The following LRP1B variants were observed in gnomAD, a reference collection of about 807,000 sequenced individuals.
The protein encoded by LRP1B is LDL receptor related protein 1B.
LRP1B carries 217 observed loss-of-function variants against 556.6 expected under a neutral mutation model. That is an observed-to-expected ratio of 0.39 (90% CI 0.35 to 0.44). The LOEUF (loss-of-function observed/expected upper bound fraction) is 0.44. Among genes scored for constraint, LRP1B ranks in the 20% least tolerant of loss-of-function variants. The pLI is 1.00. For missense variants in LRP1B, 5,053 were observed against 5,620.8 expected, an observed-to-expected ratio of 0.90 and a Z score of 3.23; for synonymous variants, 2,047 against 1,865.8, an observed-to-expected ratio of 1.10 and a Z score of -2.50.
intron 67 of LRP1B, among the ~76,000 whole-genome samples, chr2:140,383,508 C>A (rs1683628323): frequency 6.6e-6 from 1 of 151,688 alleles, no homozygotes; most frequent in Non-Finnish European, 1.5e-5. Context: ...CTGGCATTGT[C>A]AATGTTGAAA....
intron 1 of LRP1B, among the ~76,000 whole-genome samples, chr2:141,812,881 C>CAAGTATATAG (rs1696403800): frequency 6.6e-6 from 1 of 150,612 alleles, no homozygotes; most frequent in African/African-American, 2.4e-5. Flanking sequence ...AATATGTCTT[C>CAAGTATATAG]AAGTATATAG....
At chr2:140,448,684 T>C (rs1012317358) in intron 63 of LRP1B, among the ~76,000 whole-genome samples, 1 of 152,084 alleles carries the variant, frequency 6.6e-6, no homozygotes, top group East Asian at 1.9e-4. Context: ...AGAGATCTAT[T>C]GTACATCTTG....
intron 15 of LRP1B, among the ~76,000 whole-genome samples, chr2:140,999,699 A>T (rs1368075726): frequency 6.6e-6 from 1 of 151,980 alleles, no homozygotes; most frequent in Non-Finnish European, 1.5e-5. Flanking sequence ...TAGAGTTCCT[A>T]TTAAGATATT....
intron 41 of LRP1B, among the ~76,000 whole-genome samples, chr2:140,626,468 A>T (rs1050416507): frequency 1.3e-5 from 2 of 152,186 alleles, no homozygotes; most frequent in African/African-American, 4.8e-5. Context: ...GAAGAAGGGC[A>T]TATGTGGGAA....
chr2:140,333,083 G>A (rs984855798), intron 79 of LRP1B, among the ~76,000 whole-genome samples: 9 of 151,842 alleles, frequency 5.9e-5, no homozygotes, highest in Non-Finnish European at 1.3e-4. Context: ...TTGTTTCTAT[G>A]CTTCTGGGCA....
At chr2:141,872,378 T>A (rs1477751111) in intron 1 of LRP1B, among the ~76,000 whole-genome samples, 2 of 151,842 alleles carry the variant, frequency 1.3e-5, no homozygotes, top group Non-Finnish European at 2.9e-5. Flanking sequence ...AAATCCAAAG[T>A]TCCCAAAGGA....
rs573011924 is a variant in LRP1B at position 142,107,489 on chromosome 2, G to A, written c.82+23159C>T. 3.3e-5 allele frequency among the ~76,000 whole-genome samples: 5 copies of A among 152,240 alleles called. No individual in the cohort carries two copies. The South Asian group carries it at 1.0e-3, about 32-fold the overall frequency. ...ACCAGATGCTGACACCTTAATATTG[G>A]ACATCCAAGCCTCCAGAAATTATCT... On this transcript the variant is annotated intron_variant, in intron 1 of 90. Coordinates refer to ENST00000389484, the MANE Select transcript of LRP1B (RefSeq NM_018557.3).
At chr2:140,344,059 T>A (rs1358035428) in intron 77 of LRP1B, among the ~76,000 whole-genome samples, 3 of 151,712 alleles carry the variant, frequency 2.0e-5, no homozygotes, top group Non-Finnish European at 2.9e-5. Context: ...CTGTGTATAT[T>A]TGAATATGTA....
Position 141,013,532 on chromosome 2 carries a change from G to A in LRP1B, c.2380+24C>T, listed in dbSNP as rs1191312375. Reference sequence around the variant, plus strand: ...GTATTATTATATGTGAATCTCAGAAGCATTTTAATTTGTTTTTTAATACCT... The same window carrying A: ...GTATTATTATATGTGAATCTCAGAAACATTTTAATTTGTTTTTTAATACCT... On this transcript the variant is annotated intron_variant, in intron 14 of 90. Coordinates refer to ENST00000389484, the MANE Select transcript of LRP1B (RefSeq NM_018557.3). The A allele has an allele frequency of 5.8e-6, 9 of 1,549,860 alleles. No individual in the cohort carries two copies. In the Admixed American group the frequency reaches 1.1e-4, roughly 20 times the overall value.
At chr2:140,392,570 C>T (rs1426465242) in intron 66 of LRP1B, among the ~76,000 whole-genome samples, 1 of 151,966 alleles carries the variant, frequency 6.6e-6, no homozygotes, top group Non-Finnish European at 1.5e-5. Flanking sequence ...CCACTGCAAC[C>T]TCTACCTCCT....
intron 3 of LRP1B, among the ~76,000 whole-genome samples, chr2:141,396,244 A>C (rs1690233432): frequency 6.6e-6 from 1 of 152,176 alleles, no homozygotes; most frequent in Non-Finnish European, 1.5e-5. Context: ...AGATTCACAA[A>C]ATTTATACAA....
intron 11 of LRP1B, among the ~76,000 whole-genome samples, chr2:141,043,869 C>A (rs917584882): frequency 1.3e-5 from 2 of 151,790 alleles, no homozygotes; most frequent in African/African-American, 4.8e-5. Context: ...GATTCAATGC[C>A]ATCCCCATCA....
chr2:140,370,481 C>A (rs1451513232), intron 71 of LRP1B, among the ~76,000 whole-genome samples: 1 of 152,016 alleles, frequency 6.6e-6, no homozygotes, highest in Non-Finnish European at 1.5e-5. Context: ...ACTCAGTAAA[C>A]ACTTGCCCTG....
At chr2:140,975,487 T>TGTGAGAGACAA (rs760930011) in intron 18 of LRP1B, among the ~76,000 whole-genome samples, 589 of 22,886 alleles carry the variant, frequency 0.026, 2 homozygotes, top group Non-Finnish European at 0.056. Flanking sequence ...GCTAAAGTTA[T>TGTGAGAGACAA]ATAAGCAGGA....
At chr2:140,492,835 G>C in intron 56 of LRP1B, 142 bp from the exon 57 acceptor site, 1 of 586,946 alleles carries the variant, frequency 1.7e-6, no homozygotes, top group Non-Finnish European at 3.0e-6. Flanking sequence ...GGATCATACT[G>C]AGCAACGTAG....
At chr2:141,683,133 T>A (rs567775015) in intron 2 of LRP1B, among the ~76,000 whole-genome samples, 1 of 152,222 alleles carries the variant, frequency 6.6e-6, no homozygotes, top group South Asian at 2.1e-4. Context: ...AACAGGAACC[T>A]AATACAGATT....
intron 1 of LRP1B, among the ~76,000 whole-genome samples, chr2:141,865,657 A>G (rs1232515101): frequency 6.6e-6 from 1 of 152,068 alleles, no homozygotes; most frequent in Non-Finnish European, 1.5e-5. Flanking sequence ...ACAAGAGGGT[A>G]GAAGAAAGTG....
intron 3 of LRP1B, among the ~76,000 whole-genome samples, chr2:141,327,888 G>GAC (rs1553496565): frequency 0.019 from 2,782 of 145,522 alleles, 87 homozygotes; most frequent in African/African-American, 0.072. Flanking sequence ...GAGAGAGAGA[G>GAC]AGAGAGAGAG....
intron 1 of LRP1B, among the ~76,000 whole-genome samples, chr2:142,010,554 CAAA>C (rs33927334): frequency 1.8e-4 from 11 of 60,240 alleles, no homozygotes; most frequent in Middle Eastern, 0.013. Context: ...GATTCTGTCT[CAAA>C]AAAAAAAAAA....
Sources: gnomAD v4.1 joint callset for allele counts (sites outside exome capture counted in the v4.1 genomes callset) on GRCh38, gnomAD v4.1.1 for gene constraint, MANE v1.5 for transcripts, NCBI Gene and HGNC (gene_info 2026-07-23, HGNC 2026-07-21) for gene names.